ITPRID2: variants seen among roughly 807,000 people sequenced by gnomAD.
ITPRID2 encodes the protein protein ITPRID2.
ITPRID2 carries 60 observed loss-of-function variants against 124.3 expected under a neutral mutation model. That is an observed-to-expected ratio of 0.48 (90% CI 0.39 to 0.60). The LOEUF (loss-of-function observed/expected upper bound fraction) is 0.60, where lower values mean the gene tolerates loss of function less well. Among genes scored for constraint, ITPRID2 ranks in the 20% least tolerant of loss-of-function variants. The pLI is 0.00. For missense variants in ITPRID2, 1,553 were observed against 1,512.2 expected, an observed-to-expected ratio of 1.03 and a Z score of -0.45; for synonymous variants, 521 against 542.9, an observed-to-expected ratio of 0.96 and a Z score of 0.56.
intron 9 of ITPRID2, among the ~76,000 whole-genome samples, chr2:181,912,170 A>G (rs1032994068): frequency 1.3e-5 from 2 of 152,252 alleles, no homozygotes; most frequent in Non-Finnish European, 2.9e-5. Context: ...GGAAATGGGT[A>G]TCATTGATTG....
chr2:181,916,682 G>C (rs532213431), intron 11 of ITPRID2: 5 of 719,162 alleles, frequency 7.0e-6, no homozygotes, highest in Non-Finnish European at 9.9e-6. Flanking sequence ...GATTTTTCTC[G>C]TTAAGTATCC....
chr2:181,912,897 C>G (rs578192566), intron 9 of ITPRID2, among the ~76,000 whole-genome samples: 1 of 152,040 alleles, frequency 6.6e-6, no homozygotes, highest in Non-Finnish European at 1.5e-5. Context: ...ATAAGATTAA[C>G]AATATTATGT....
At position 181,910,720 on chromosome 2, in the gene ITPRID2, A is replaced by T. The variant is rs2125087753; in HGVS notation, c.1486+749A>T. 5 of 608,592 alleles carry T rather than the reference A, an allele frequency of 8.2e-6. No homozygotes were observed. In the Admixed American group the frequency reaches 9.8e-5, roughly 12 times the overall value. The allele number at this position is 608,592 out of a possible 1,614,324, so 37.7% of individuals were successfully genotyped here. On this transcript the variant is annotated intron_variant, in intron 9 of 17. Coordinates refer to ENST00000431877, the MANE Select transcript of ITPRID2 (RefSeq NM_001130445.3). This position sits in a 1 kb window ranked among gnomAD's most constrained non-coding sequence, Gnocchi z 4.1. ...TTCGTATGTATGTTCCTAGAATAGG[A>T]AATTACATGTTTGTTGTCTCCTGAT... is the stretch of plus-strand genomic sequence containing the variant.
chr2:181,928,703 G>A (rs868734000), intron 17 of ITPRID2, among the ~76,000 whole-genome samples: 15 of 151,116 alleles, frequency 9.9e-5, no homozygotes, highest in Middle Eastern at 3.4e-3. Context: ...TCGGCTCACT[G>A]CAAGCTCCGC....
At chr2:181,909,725 T>C (rs1323467272) in intron 8 of ITPRID2, among the ~76,000 whole-genome samples, 174 bp from the exon 9 acceptor site, 6 of 152,152 alleles carry the variant, frequency 3.9e-5, no homozygotes, top group African/African-American at 1.4e-4. Context: ...ATCAGAAAAT[T>C]TAGTTGTGGA....
intron 4 of ITPRID2, among the ~76,000 whole-genome samples, 187 bp downstream of exon 4, chr2:181,897,151 T>C (rs370940445): frequency 6.6e-6 from 1 of 152,024 alleles, no homozygotes; most frequent in East Asian, 1.9e-4. Flanking sequence ...CATGTAGGGA[T>C]GACTCTGAAA....
At chr2:181,911,715 A>G (rs1424685831) in intron 9 of ITPRID2, among the ~76,000 whole-genome samples, 3 of 152,222 alleles carry the variant, frequency 2.0e-5, no homozygotes, top group Admixed American at 6.5e-5. Flanking sequence ...GTGTCTGACT[A>G]AAGAACCTAG....
Position 181,901,807 on chromosome 2 carries a change from G to A in ITPRID2, c.754G>A (p.Ala252Thr). The change falls in exon 8 of 18, where the codon GCG becomes ACG. Residue 252 changes from alanine to threonine, a missense_variant. Physicochemically the swap from Ala to Thr is moderately conservative, Grantham distance 58. Transcript: ENST00000431877. ...TGAAGTGCTTACTACTGTGGCCAAT[G>A]CGTTTTCTTCTTTATATTCTCAAGT... ...QIEVLTTVAN[A>T]FSSLYSQVSG... 8 of 1,613,446 alleles carry A rather than the reference G, an allele frequency of 5.0e-6. No individual in the cohort carries two copies. The highest frequency in any genetic ancestry group is 6.8e-6 in the Non-Finnish European group (8 of 1,179,694).
At chr2:181,895,972 G>A in intron 2 of ITPRID2, 58 bp from the exon 3 acceptor site, 32 of 1,467,056 alleles carry the variant, frequency 2.2e-5, no homozygotes, top group Non-Finnish European at 3.0e-5. Context: ...GCTGTGTAAT[G>A]ACAACTTTCC....
chr2:181,918,310 T>A, intron 11 of ITPRID2: 2 of 1,156,726 alleles, frequency 1.7e-6, no homozygotes, highest in Non-Finnish European at 2.1e-6. Context: ...GTTTTGATTT[T>A]GTTTTTTTTT....
In ITPRID2 at chr2:181,902,097, GAAGA is replaced by G. The variant is rs1692714476; in HGVS notation, c.1049_1052del (p.Lys350SerfsTer63). The G allele has an allele frequency of 6.2e-7, 1 of 1,611,630 alleles. No individual in the cohort carries two copies. Among genetic ancestry groups the G allele is most frequent in the Non-Finnish European group, 8.5e-7 (1 of 1,179,182 alleles). Reference sequence around the variant, plus strand: ...ATCAAAAGTCTCAAAAAATTATGAAGAAGAAAGAGTCATCTTCTATGTTGGCTAC... The same window carrying G: ...ATCAAAAGTCTCAAAAAATTATGAAGAAGAGTCATCTTCTATGTTGGCTAC... On this transcript the variant is annotated frameshift_variant, in exon 8 of 18. Coordinates refer to ENST00000431877, the MANE Select transcript of ITPRID2 (RefSeq NM_001130445.3). LOFTEE classifies it high-confidence loss of function. The surrounding 1 kb of genome is among the most constrained non-coding windows in gnomAD (Gnocchi z 4.4).
rs188456941 is a variant in ITPRID2, at chr2:181,905,329, G to A, written c.1413+2863G>A. ...CTCCCAAAATGCTGGGATTACAGGTGTGAGCCACCACACCCAGCCTATAAC... is the reference window on the plus strand; with the variant it reads ...CTCCCAAAATGCTGGGATTACAGGTATGAGCCACCACACCCAGCCTATAAC... On this transcript the variant is annotated intron_variant, in intron 8 of 17. Coordinates refer to ENST00000431877, the MANE Select transcript of ITPRID2 (RefSeq NM_001130445.3). This position sits in a 1 kb window ranked among gnomAD's most constrained non-coding sequence, Gnocchi z 4.1. Among the ~76,000 whole-genome samples the A allele has an allele frequency of 6.6e-6, 1 of 152,222 alleles. No homozygotes were observed. The highest frequency in any genetic ancestry group is 2.4e-5 in the African/African-American group (1 of 41,548).
At chr2:181,900,558 T>TA (rs1249942053) in intron 6 of ITPRID2, 138 bp from the exon 7 acceptor site, 3 of 657,512 alleles carry the variant, frequency 4.6e-6, no homozygotes, top group Non-Finnish European at 7.7e-6. Context: ...GTAAAATAAA[T>TA]AATGGTTTCC....
chr2:181,892,118 C>T lies in ITPRID2; in HGVS notation c.52C>T (p.Gln18Ter). 2 of 1,558,878 alleles carry T rather than the reference C, an allele frequency of 1.3e-6. No individual in the cohort carries two copies. Among genetic ancestry groups the T allele is most frequent in the Non-Finnish European group, 1.7e-6 (2 of 1,152,172 alleles). ...SAEAEEELEW[Q>*]VASRRRKAWA... ...GGAGGCGGAGGAGGAACTGGAGTGG[C>T]AAGTGGCGAGTCGCAGGAGGAAGGC... Residue 18 changes from glutamine (Q) to a stop codon, truncating the protein, a stop_gained, in exon 1 of 18, where the codon CAA becomes TAA. Transcript: ENST00000431877. LOFTEE classifies it high-confidence loss of function. The surrounding 1 kb of genome is among the most constrained non-coding windows in gnomAD (Gnocchi z 5.2).
chr2:181,897,014 A>C, intron 4 of ITPRID2, 50 bp downstream of exon 4: 1 of 1,498,942 alleles, frequency 6.7e-7, no homozygotes, highest in Non-Finnish European at 9.3e-7. Flanking sequence ...CAAATTTAAA[A>C]AAAATGAGAA....
Position 181,903,360 on chromosome 2 carries a change from G to A in ITPRID2, c.1413+894G>A, listed in dbSNP as rs368928806. On this transcript the variant is annotated intron_variant, in intron 8 of 17. Transcript: ENST00000431877. ...GTTGTGGCTATAAATTATATAATGC[G>A]CAATTTGTCTTTTGTAATTTATTAC... Among the ~76,000 whole-genome samples, 17 of 152,236 alleles carry A rather than the reference G, an allele frequency of 1.1e-4. No homozygotes were observed. The South Asian group carries it at 1.2e-3, about 11-fold the overall frequency.
At chr2:181,913,658 C>T (rs1693800373) in intron 9 of ITPRID2, among the ~76,000 whole-genome samples, 187 bp from the exon 10 acceptor site, 1 of 152,060 alleles carries the variant, frequency 6.6e-6, no homozygotes, top group African/African-American at 2.4e-5. Context: ...TGAGTTACCT[C>T]CTGTACTTTG....
intron 11 of ITPRID2, chr2:181,917,836 C>T (rs1381762006): frequency 1.3e-5 from 2 of 152,140 alleles, no homozygotes; most frequent in Non-Finnish European, 2.9e-5. Context: ...GTGCTGGAGA[C>T]AGTGGTGTAA....
At chr2:181,903,881 A>G (rs1692879643) in intron 8 of ITPRID2, among the ~76,000 whole-genome samples, 2 of 152,118 alleles carry the variant, frequency 1.3e-5, no homozygotes, top group Admixed American at 1.3e-4. Flanking sequence ...TTAAAGTGTA[A>G]ATTTTTGCCT....
Sources: gnomAD v4.1 joint callset for allele counts (sites outside exome capture counted in the v4.1 genomes callset) on GRCh38, gnomAD v4.1.1 for gene constraint, Gnocchi (gnomAD v3.1) non-coding constraint, MANE v1.5 for transcripts, NCBI Gene and HGNC (gene_info 2026-07-23, HGNC 2026-07-21) for gene names.